Variants in CELF2 observed in about 807,000 individuals in gnomAD.
CELF2 encodes CUGBP Elav-like family member 2.
In CELF2, 8 loss-of-function variants were observed where a neutral mutation model predicts 62.6. The observed-to-expected ratio is 0.13, with a 90% CI of 0.07 to 0.23. The LOEUF (loss-of-function observed/expected upper bound fraction) is 0.23, where lower values mean the gene tolerates loss of function less well. CELF2 is among the 10% of genes least tolerant of loss of function. CELF2 has a pLI of 1.00. For missense variants in CELF2, 333 were observed against 671.0 expected, an observed-to-expected ratio of 0.50 and a Z score of 5.56; for synonymous variants, 258 against 250.0, an observed-to-expected ratio of 1.03 and a Z score of -0.30.
Position 11,247,235 on chromosome 10 carries a change from C to A in CELF2, c.355-1918C>A, listed in dbSNP as rs1262970428. On this transcript the variant is annotated intron_variant, in intron 3 of 12. Coordinates refer to ENST00000633077, the MANE Select transcript of CELF2 (RefSeq NM_001326342.2). This position sits in a 1 kb window ranked among gnomAD's most constrained non-coding sequence, Gnocchi z 5.4. ...ATACTTTCAGACAAAATTTCAGTTC[C>A]TTAGCTTGCAAGACCCTCTGAGAGC... Among the ~76,000 whole-genome samples, 1 of 152,224 alleles carries A rather than the reference C, an allele frequency of 6.6e-6. No homozygotes were observed. The highest frequency in any genetic ancestry group is 1.5e-5 in the Non-Finnish European group (1 of 68,032).
the CELF2 span, among the ~76,000 whole-genome samples, chr10:10,757,330 T>A: frequency 6.8e-6 from 1 of 146,954 alleles, no homozygotes; most frequent in Non-Finnish European, 1.5e-5. Context: ...GTTTTGGTGT[T>A]CACCTGTAGT....
chr10:10,879,269 C>G (rs1434623916), intron 1 of CELF2, among the ~76,000 whole-genome samples: 1 of 152,206 alleles, frequency 6.6e-6, no homozygotes, highest in East Asian at 1.9e-4. Context: ...TCCCTGGCTG[C>G]TCCTGTGTCT....
At chr10:10,784,881 T>A in the CELF2 span, among the ~76,000 whole-genome samples, 1 of 152,312 alleles carries the variant, frequency 6.6e-6, no homozygotes, top group East Asian at 1.9e-4. Context: ...TACAGGTGGC[T>A]GATAGAGTTT....
At chr10:10,667,385 A>G in the CELF2 span, among the ~76,000 whole-genome samples, 1 of 152,260 alleles carries the variant, frequency 6.6e-6, no homozygotes, top group Non-Finnish European at 1.5e-5. Flanking sequence ...CTCTTTCCAA[A>G]TAAAAGAAAG....
At chr10:10,608,575 A>T in the CELF2 span, among the ~76,000 whole-genome samples, 2 of 152,166 alleles carry the variant, frequency 1.3e-5, no homozygotes, top group Non-Finnish European at 2.9e-5. Context: ...AAAGATTTAA[A>T]ACTCAATCCA....
At chr10:10,963,537 A>G (rs2049788853) in intron 2 of CELF2, among the ~76,000 whole-genome samples, 1 of 152,210 alleles carries the variant, frequency 6.6e-6, no homozygotes, top group Admixed American at 6.5e-5. Context: ...AACTAGAGAA[A>G]TGCATGTGAA....
chr10:10,996,883 A>G (rs896504735), intron 2 of CELF2, among the ~76,000 whole-genome samples: 2 of 152,016 alleles, frequency 1.3e-5, no homozygotes, highest in African/African-American at 4.8e-5. Context: ...GCTTATTCTC[A>G]GCAGAGTAAC....
At chr10:10,741,344 C>T in the CELF2 span, among the ~76,000 whole-genome samples, 1 of 151,938 alleles carries the variant, frequency 6.6e-6, no homozygotes, top group Non-Finnish European at 1.5e-5. Context: ...AAACCCATCT[C>T]TTCTAAAAAT....
intron 1 of CELF2, among the ~76,000 whole-genome samples, chr10:10,855,462 A>C (rs2059648675): frequency 1.3e-5 from 2 of 152,244 alleles, no homozygotes; most frequent in South Asian, 4.1e-4. Context: ...ACAGAAATAC[A>C]GTGCCCTGTC....
At chr10:11,266,825 C>T in intron 6 of CELF2, 148 bp downstream of exon 6, 1 of 523,584 alleles carries the variant, frequency 1.9e-6, no homozygotes, top group South Asian at 2.7e-5. Context: ...CTCATTCTCT[C>T]CTTCTCTCTC....
intron 2 of CELF2, among the ~76,000 whole-genome samples, chr10:10,955,585 C>T (rs1328987765): frequency 1.3e-5 from 2 of 152,192 alleles, no homozygotes; most frequent in Non-Finnish European, 2.9e-5. Context: ...GGTACTGTTA[C>T]TATAACCATT....
At position 11,324,460 on chromosome 10, in the gene CELF2, G is replaced by A. The variant is rs1455130667; in HGVS notation, c.1295-1376G>A. On this transcript the variant is annotated intron_variant, in intron 11 of 12. Transcript: ENST00000633077. The surrounding 1 kb of genome is among the most constrained non-coding windows in gnomAD (Gnocchi z 4.7). The stretch of plus-strand genomic sequence containing the variant: ...ACCAGAAAACATCTGGGGACCAAAG[G>A]CCCCCCTGCAATTGTGTCCCTTTAA... Among the ~76,000 whole-genome samples the A allele has an allele frequency of 6.6e-6, 1 of 152,092 alleles. No individual in the cohort carries two copies. Among genetic ancestry groups the A allele is most frequent in the Non-Finnish European group, 1.5e-5 (1 of 68,016 alleles).
the CELF2 span, among the ~76,000 whole-genome samples, chr10:10,670,858 G>A: frequency 2.0e-5 from 3 of 151,878 alleles, no homozygotes; most frequent in Non-Finnish European, 4.4e-5. Flanking sequence ...TTTTCAAATT[G>A]GCTCCTTTCA....
chr10:11,009,281 T>C (rs2055956031), intron 1 of CELF2, among the ~76,000 whole-genome samples: 1 of 152,008 alleles, frequency 6.6e-6, no homozygotes, highest in Non-Finnish European at 1.5e-5. Flanking sequence ...TCTGATTAAA[T>C]GGCATCAATT....
chr10:10,529,683 CAAAAAAAAAAAAAA>C, the CELF2 span, among the ~76,000 whole-genome samples: 1 of 65,458 alleles, frequency 1.5e-5, no homozygotes, highest in African/African-American at 6.4e-5. Flanking sequence ...GACTCCATCT[CAAAAAAAAAAAAAA>C]AAAAAAAAAA....
chr10:11,055,570 A>G (rs960995099), intron 1 of CELF2, among the ~76,000 whole-genome samples: 5 of 152,234 alleles, frequency 3.3e-5, no homozygotes, highest in Non-Finnish European at 5.9e-5. Context: ...TGACTGGGAT[A>G]GATGTTCTTG....
chr10:10,663,309 C>T, the CELF2 span, among the ~76,000 whole-genome samples: 1 of 152,144 alleles, frequency 6.6e-6, no homozygotes, highest in Non-Finnish European at 1.5e-5. Flanking sequence ...TATTTAGGAT[C>T]GTTCAAGGGG....
intron 1 of CELF2, chr10:10,846,091 C>A (rs1233495301): frequency 1.0e-6 from 1 of 984,988 alleles, no homozygotes; most frequent in African/African-American, 1.7e-5. Flanking sequence ...GATCCTTCTG[C>A]GCTCCCAGAG....
intron 1 of CELF2, among the ~76,000 whole-genome samples, chr10:11,032,146 C>CAAA (rs56364371): frequency 0.041 from 3,512 of 86,140 alleles, 163 homozygotes; most frequent in Non-Finnish European, 0.058. Flanking sequence ...AGGGCTTAGC[C>CAAA]AAAAAAAAAA....
Sources: allele counts gnomAD v4.1 joint callset (sites outside exome capture counted in the v4.1 genomes callset), GRCh38; gene constraint gnomAD v4.1.1; non-coding constraint Gnocchi (gnomAD v3.1); transcripts MANE v1.5; gene names NCBI Gene and HGNC (gene_info 2026-07-23, HGNC 2026-07-21).